The following DTWD2 variants were observed in gnomAD, a reference collection of about 807,000 sequenced individuals.
The protein encoded by DTWD2 is tRNA-uridine aminocarboxypropyltransferase 2.
In DTWD2, 39 loss-of-function variants were observed where a neutral mutation model predicts 31.8. The ratio of observed to expected loss-of-function variants is 1.22; its 90% CI spans 0.95 to 1.60. The LOEUF (loss-of-function observed/expected upper bound fraction) is 1.60. Among genes scored for constraint, DTWD2 ranks in the 40% most tolerant of loss-of-function variants. The pLI is 0.00. For missense variants in DTWD2, 515 were observed against 381.5 expected, an observed-to-expected ratio of 1.35 and a Z score of -2.92; for synonymous variants, 180 against 142.8, an observed-to-expected ratio of 1.26 and a Z score of -1.86.
chr5:118,953,486 C>T (rs1754512126), intron 1 of DTWD2, among the ~76,000 whole-genome samples: 1 of 152,156 alleles, frequency 6.6e-6, no homozygotes, highest in African/African-American at 2.4e-5. Context: ...GCTCTGTTAC[C>T]CTGGCAACAT....
intron 1 of DTWD2, among the ~76,000 whole-genome samples, chr5:118,950,515 G>T (rs1303444627): frequency 6.6e-6 from 1 of 152,226 alleles, no homozygotes; most frequent in Non-Finnish European, 1.5e-5. Context: ...GAGTCAGAGA[G>T]CCTTGGGCCA....
chr5:118,988,325 C>A lies in DTWD2; in HGVS notation c.187G>T (p.Ala63Ser), dbSNP rs1477007143. ...DGLWELPVEPAERRPECTRCS... is the reference protein window; with the variant it reads ...DGLWELPVEPSERRPECTRCS... ...CGGGTGCACTCAGGCCTCCGCTCGG[C>A]CGGCTCCACCGGCAGCTCCCACAGC... Residue 63 changes from alanine to serine, a missense_variant, in exon 1 of 6, where the codon GCC (alanine) becomes TCC (serine). By Grantham distance (99) the Ala-to-Ser change is moderately conservative (BLOSUM62 1). Transcript: ENST00000510708. The A allele has an allele frequency of 1.3e-6, 2 of 1,537,902 alleles. No homozygotes were observed. The highest frequency in any genetic ancestry group is 1.7e-6 in the Non-Finnish European group (2 of 1,146,666).
At chr5:118,966,688 C>T (rs1162007674) in intron 1 of DTWD2, among the ~76,000 whole-genome samples, 1 of 152,088 alleles carries the variant, frequency 6.6e-6, no homozygotes, top group East Asian at 1.9e-4. Flanking sequence ...CAAAATCCAT[C>T]TCCTAGTATG....
At chr5:118,950,497 C>A (rs924602829) in intron 1 of DTWD2, among the ~76,000 whole-genome samples, 1 of 152,160 alleles carries the variant, frequency 6.6e-6, no homozygotes, top group African/African-American at 2.4e-5. Flanking sequence ...CCGAGAAGAT[C>A]GGGGAAGGAG....
At chr5:118,986,452 A>T (rs1254422182) in intron 1 of DTWD2, among the ~76,000 whole-genome samples, 1 of 152,204 alleles carries the variant, frequency 6.6e-6, no homozygotes, top group Non-Finnish European at 1.5e-5. Flanking sequence ...GAACAAAGCT[A>T]ATTTCTGGAA....
intron 4 of DTWD2, among the ~76,000 whole-genome samples, chr5:118,894,555 T>A (rs183718122): frequency 6.6e-6 from 1 of 152,190 alleles, no homozygotes; most frequent in Admixed American, 6.5e-5. Flanking sequence ...TCACACATAC[T>A]TGTTCAAGGT....
At chr5:118,958,986 A>G (rs1754650392) in intron 1 of DTWD2, among the ~76,000 whole-genome samples, 1 of 152,224 alleles carries the variant, frequency 6.6e-6, no homozygotes, top group Admixed American at 6.5e-5. Flanking sequence ...ACCCACAGCC[A>G]ACATCATACT....
intron 5 of DTWD2, among the ~76,000 whole-genome samples, chr5:118,842,608 C>G (rs1391138144): frequency 6.6e-6 from 1 of 152,024 alleles, no homozygotes; most frequent in African/African-American, 2.4e-5. Flanking sequence ...GAATTAACCA[C>G]TGCAGTAAGG....
chr5:118,955,879 C>T (rs1390421767), intron 1 of DTWD2, among the ~76,000 whole-genome samples: 4 of 151,484 alleles, frequency 2.6e-5, no homozygotes, highest in African/African-American at 9.7e-5. Flanking sequence ...TATATCAAAA[C>T]TGATTATTTG....
intron 1 of DTWD2, among the ~76,000 whole-genome samples, chr5:118,977,567 T>G (rs1035452701): frequency 1.3e-5 from 2 of 152,154 alleles, no homozygotes; most frequent in Non-Finnish European, 2.9e-5. Flanking sequence ...AGCCAAATCA[T>G]GAATGAACTC....
chr5:118,966,632 T>C (rs533424824), intron 1 of DTWD2, among the ~76,000 whole-genome samples: 1 of 152,324 alleles, frequency 6.6e-6, no homozygotes, highest in East Asian at 1.9e-4. Context: ...GAAAAGTTGA[T>C]AGGAATGATA....
chr5:118,844,960 TC>T (rs924351383), intron 5 of DTWD2, among the ~76,000 whole-genome samples: 4 of 151,032 alleles, frequency 2.6e-5, no homozygotes, highest in African/African-American at 9.7e-5. Flanking sequence ...AACTTGAGAC[TC>T]CCCCCGCCTC....
intron 4 of DTWD2, among the ~76,000 whole-genome samples, chr5:118,890,547 G>A (rs1319730900): frequency 6.7e-6 from 1 of 149,280 alleles, no homozygotes; most frequent in African/African-American, 2.5e-5. Flanking sequence ...AAAAAAGTGG[G>A]GCTTTTAGGT....
At chr5:118,851,921 T>C (rs1336451697) in intron 4 of DTWD2, among the ~76,000 whole-genome samples, 1 of 151,960 alleles carries the variant, frequency 6.6e-6, no homozygotes, top group Non-Finnish European at 1.5e-5. Context: ...GCTGGGGTTT[T>C]CCCAATCCTA....
chr5:118,875,626 A>T (rs1156660324), intron 4 of DTWD2, among the ~76,000 whole-genome samples: 1 of 151,902 alleles, frequency 6.6e-6, no homozygotes, highest in East Asian at 1.9e-4. Context: ...AAAAAGGTGC[A>T]TTACATAATG....
chr5:118,958,165 C>G (rs1754629063), intron 1 of DTWD2, among the ~76,000 whole-genome samples: 1 of 152,018 alleles, frequency 6.6e-6, no homozygotes, highest in Admixed American at 6.6e-5. Context: ...ATCAGACAGA[C>G]CACTGGCGGC....
intron 1 of DTWD2, among the ~76,000 whole-genome samples, chr5:118,966,462 C>A (rs762733286): frequency 2.0e-5 from 3 of 152,088 alleles, no homozygotes; most frequent in Non-Finnish European, 2.9e-5. Context: ...TATCTGTCAC[C>A]TCAAAGTTAC....
chr5:118,925,573 C>T (rs143589347), intron 4 of DTWD2, among the ~76,000 whole-genome samples: 3 of 152,264 alleles, frequency 2.0e-5, no homozygotes, highest in South Asian at 2.1e-4. Flanking sequence ...AGGCCAGGCA[C>T]GGTGGCTCAT....
intron 1 of DTWD2, among the ~76,000 whole-genome samples, chr5:118,977,621 A>C (rs1180239953): frequency 6.6e-6 from 1 of 152,176 alleles, no homozygotes; most frequent in Non-Finnish European, 1.5e-5. Context: ...CTAGATATAG[A>C]GCTAACAAGG....
Sources: allele counts gnomAD v4.1 joint callset (sites outside exome capture counted in the v4.1 genomes callset), GRCh38; gene constraint gnomAD v4.1.1; transcripts MANE v1.5; gene names NCBI Gene and HGNC (gene_info 2026-07-23, HGNC 2026-07-21).